The following DMGDH variants were observed in gnomAD, a reference collection of about 807,000 sequenced individuals.
DMGDH encodes the protein dimethylglycine dehydrogenase, mitochondrial.
DMGDH carries 76 observed loss-of-function variants against 95.2 expected under a neutral mutation model. That is an observed-to-expected ratio of 0.80 (90% CI 0.66 to 0.97). DMGDH has a LOEUF of 0.97. DMGDH is among the 50% of genes least tolerant of loss of function. The probability of loss-of-function intolerance (pLI) is 0.00; values close to 1 mark genes in which losing one functional copy is unlikely to be tolerated. For missense variants in DMGDH, 987 were observed against 1,055.0 expected (o/e 0.94, Z 0.89); for synonymous variants, 345 against 377.6 (o/e 0.91, Z 1.00).
At chr5:79,031,085 T>A in intron 9 of DMGDH, 87 bp from the exon 10 acceptor site, 1 of 1,470,322 alleles carries the variant, frequency 6.8e-7, no homozygotes, top group Admixed American at 1.8e-5. Flanking sequence ...GCCCTACTCA[T>A]CTAGAAAATC....
intron 15 of DMGDH, among the ~76,000 whole-genome samples, chr5:79,003,823 T>G (rs1336550485): frequency 6.6e-6 from 1 of 152,146 alleles, no homozygotes; most frequent in Non-Finnish European, 1.5e-5. Context: ...GGCACGCACC[T>G]GTAAACCCAG....
At position 79,030,929 on chromosome 5, in the gene DMGDH, T is replaced by C. The variant is rs1005851860; in HGVS notation, c.1587A>G (p.Val529=). Residue 529 remains valine (V), a synonymous_variant, in exon 10 of 16, where the codon GTA becomes GTG. Transcript: ENST00000255189. ...GSEYKQVMQR[V]AVTDLSPFGK... Reference sequence around the variant, plus strand: ...CAAATGGTGATAGGTCAGTTACCGCTACTCTTTGCATAACCTGTTTATACT... The same window carrying C: ...CAAATGGTGATAGGTCAGTTACCGCCACTCTTTGCATAACCTGTTTATACT... The C allele has an allele frequency of 6.2e-7, 1 of 1,614,092 alleles. No homozygotes were observed.
intron 14 of DMGDH, among the ~76,000 whole-genome samples, chr5:79,007,191 T>C (rs558668086): frequency 1.3e-5 from 2 of 152,360 alleles, no homozygotes; most frequent in African/African-American, 2.4e-5. Context: ...AAATTCATGA[T>C]AACAAGTCAT....
At chr5:79,060,236 C>T (rs953008604) in intron 2 of DMGDH, among the ~76,000 whole-genome samples, 2 of 152,168 alleles carry the variant, frequency 1.3e-5, no homozygotes, top group Admixed American at 1.3e-4. Flanking sequence ...ATCTTTAGTC[C>T]TCAGCTCTCA....
intron 14 of DMGDH, among the ~76,000 whole-genome samples, chr5:79,016,488 A>T (rs1344198093): frequency 6.6e-6 from 1 of 152,210 alleles, no homozygotes; most frequent in Non-Finnish European, 1.5e-5. Flanking sequence ...CATCTACAAC[A>T]GTATCAAAAC....
rs71634951 is a variant in DMGDH at position 79,055,997 on chromosome 5, T to C, written c.277-89A>G. ...TATCTGTTAAGCAATAATTTAATGC[T>C]GGAAAGAAACTGAGAAGCACCAGCC... is the stretch of plus-strand genomic sequence containing the variant. On this transcript the variant is annotated intron_variant, in intron 2 of 15. Coordinates refer to ENST00000255189, the MANE Select transcript of DMGDH (RefSeq NM_013391.3). The C allele has an allele frequency of 0.011, 9,604 of 910,182 alleles. 84 individuals carry two copies. Among genetic ancestry groups the C allele is most frequent in the Middle Eastern group, 0.015 (49 of 3,178 alleles). The allele number at this position is 910,182 out of a possible 1,614,324, so 56.4% of individuals were successfully genotyped here.
At chr5:79,028,068 G>A (rs138217522) in intron 12 of DMGDH, among the ~76,000 whole-genome samples, 2,767 of 152,052 alleles carry the variant, frequency 0.018, 41 homozygotes, top group South Asian at 0.075. Context: ...TCGAACTCCC[G>A]ACCTCAGGTG....
At chr5:79,019,073 G>A (rs1753801161) in intron 14 of DMGDH, among the ~76,000 whole-genome samples, 1 of 152,006 alleles carries the variant, frequency 6.6e-6, no homozygotes, top group South Asian at 2.1e-4. Flanking sequence ...AGATAACATG[G>A]CACCAATGTC....
chr5:79,006,848 C>CG (rs1561206459), intron 14 of DMGDH, among the ~76,000 whole-genome samples: 4 of 127,800 alleles, frequency 3.1e-5, no homozygotes, highest in Admixed American at 8.3e-5. Flanking sequence ...ACCTGAGACC[C>CG]CCCCAGTCCA....
rs940496828 is a variant in DMGDH, at chr5:79,000,257, T to C, written c.2386-1960A>G. Reference sequence around the variant, plus strand: ...TACCAGCGTGATACCACCACCATGATATTCCTCACATTTAAAATCTCCATG... The same window carrying C: ...TACCAGCGTGATACCACCACCATGACATTCCTCACATTTAAAATCTCCATG... On this transcript the variant is annotated intron_variant, in intron 15 of 15. Transcript: ENST00000255189. 24 of 642,650 alleles carry C rather than the reference T, an allele frequency of 3.7e-5. No individual in the cohort carries two copies. In the Middle Eastern group the frequency reaches 8.2e-4, roughly 22 times the overall value. The allele number at this position is 642,650 out of a possible 1,614,324, so 39.8% of individuals were successfully genotyped here.
chr5:79,056,610 T>G (rs922151872), intron 2 of DMGDH, among the ~76,000 whole-genome samples: 1 of 151,250 alleles, frequency 6.6e-6, no homozygotes, highest in African/African-American at 2.4e-5. Flanking sequence ...TCCCAGCACT[T>G]TGGGAGGCCG....
At chr5:79,037,013 C>T (rs71634948) in intron 7 of DMGDH, among the ~76,000 whole-genome samples, 3 of 152,000 alleles carry the variant, frequency 2.0e-5, no homozygotes, top group African/African-American at 7.3e-5. Flanking sequence ...CTTGCTTTCT[C>T]TCCACACACA....
At chr5:79,033,103 G>A (rs769141062) in intron 8 of DMGDH, 136 bp downstream of exon 8, 8 of 1,106,666 alleles carry the variant, frequency 7.2e-6, no homozygotes, top group Non-Finnish European at 9.3e-6. Flanking sequence ...TCCTTGTTAT[G>A]TCTCAGGGGC....
intron 1 of DMGDH, among the ~76,000 whole-genome samples, chr5:79,064,911 A>T (rs1382739850): frequency 6.6e-6 from 1 of 152,116 alleles, no homozygotes; most frequent in Non-Finnish European, 1.5e-5. Context: ...CACCACACCC[A>T]GCTAATTTTT....
intron 14 of DMGDH, among the ~76,000 whole-genome samples, chr5:79,011,895 T>C (rs62377919): frequency 0.2 from 30,305 of 152,032 alleles, 3,310 homozygotes; most frequent in South Asian, 0.29. Context: ...ACCTCCAACA[T>C]TGGGGATTAC....
chr5:79,003,160 G>A (rs1018859631), intron 15 of DMGDH, among the ~76,000 whole-genome samples: 13 of 152,210 alleles, frequency 8.5e-5, no homozygotes, highest in African/African-American at 3.1e-4. Context: ...AAGGGTAAGT[G>A]TAGACTGTAT....
rs1753938817 is a variant in DMGDH at position 79,024,298 on chromosome 5, T to C, written c.2223A>G (p.Gly741=). 3 of 1,613,534 alleles carry C rather than the reference T, an allele frequency of 1.9e-6. No individual in the cohort carries two copies. The African/African-American group carries it at 4.0e-5, about 22-fold the overall frequency. Residue 741 remains glycine, a synonymous_variant, in exon 14 of 16, where the codon GGA becomes GGG. Coordinates refer to ENST00000255189, the MANE Select transcript of DMGDH (RefSeq NM_013391.3). ...MNCDTNPLEA[G]LEYFVKLNKP... ...TATTTAACTTCACAAAATATTCCAG[T>C]CCAGCTTCCAAAGGATTTGTATCAC...
chr5:79,027,926 C>T (rs542411242), intron 12 of DMGDH, among the ~76,000 whole-genome samples: 5 of 151,700 alleles, frequency 3.3e-5, no homozygotes, highest in East Asian at 1.9e-4. Flanking sequence ...ATACAACCTC[C>T]GCCTCCCGAG....
chr5:79,010,590 G>A (rs1220241974), intron 14 of DMGDH, among the ~76,000 whole-genome samples: 1 of 152,202 alleles, frequency 6.6e-6, no homozygotes, highest in African/African-American at 2.4e-5. Context: ...ACCCCAGGTA[G>A]AATTGAGTCA....
Sources: gnomAD v4.1 joint callset for allele counts (sites outside exome capture counted in the v4.1 genomes callset) on GRCh38, gnomAD v4.1.1 for gene constraint, MANE v1.5 for transcripts, NCBI Gene and HGNC (gene_info 2026-07-23, HGNC 2026-07-21) for gene names.